Variants in TIAM1 observed in about 807,000 individuals in gnomAD.
The protein encoded by TIAM1 is rho guanine nucleotide exchange factor TIAM1.
A neutral mutation model predicts 163.5 loss-of-function variants in TIAM1; 65 were observed. The observed-to-expected ratio is 0.40, with a 90% CI of 0.33 to 0.49. The LOEUF (loss-of-function observed/expected upper bound fraction) is 0.49, where lower values mean the gene tolerates loss of function less well. TIAM1 is among the 20% of genes least tolerant of loss of function. The probability of loss-of-function intolerance (pLI) is 0.77; values close to 1 mark genes in which losing one functional copy is unlikely to be tolerated. For missense variants in TIAM1, 1,789 were observed against 2,044.7 expected (o/e 0.87, Z 2.41); for synonymous variants, 833 against 810.1 (o/e 1.03, Z -0.48).
intron 2 of TIAM1, among the ~76,000 whole-genome samples, chr21:31,278,507 C>T (rs943532086): frequency 2.0e-5 from 3 of 152,194 alleles, no homozygotes; most frequent in Non-Finnish European, 4.4e-5. Context: ...CTGGGGCTGC[C>T]CGCTGCTGGT....
At chr21:31,335,852 T>C (rs553382063) in intron 2 of TIAM1, among the ~76,000 whole-genome samples, 2 of 152,310 alleles carry the variant, frequency 1.3e-5, no homozygotes, top group South Asian at 2.1e-4. Context: ...AGAAATCAGA[T>C]AACACACAGT....
chr21:31,120,829 G>A lies in TIAM1; in HGVS notation c.4315C>T (p.Pro1439Ser), dbSNP rs2081975348. Residue 1439 changes from proline to serine, a missense_variant, in exon 28 of 28, where the codon CCA (proline) becomes TCA (serine). By Grantham distance (74) the Pro-to-Ser change is moderately conservative (BLOSUM62 -1). Transcript: ENST00000541036. The surrounding 1 kb of genome is among the most constrained non-coding windows in gnomAD (Gnocchi z 4.2). The stretch of plus-strand genomic sequence containing the variant: ...CTCCTCCTCCCAAGAGACTTGCTTG[G>A]GGCAGACACTGCACACACACACAAA... ...RPAMSRAVSA[P>S]SKSLGRRRRR... The A allele has an allele frequency of 6.2e-7, 1 of 1,609,992 alleles. No homozygotes were observed. Among genetic ancestry groups the A allele is most frequent in the Non-Finnish European group, 8.5e-7 (1 of 1,177,990 alleles).
intron 1 of TIAM1, among the ~76,000 whole-genome samples, chr21:31,522,839 C>A (rs1012564846): frequency 6.6e-6 from 1 of 152,188 alleles, no homozygotes; most frequent in Non-Finnish European, 1.5e-5. Context: ...ATTAAAACAA[C>A]ATTTTTTTCT....
intron 15 of TIAM1, among the ~76,000 whole-genome samples, chr21:31,181,807 C>T (rs112325548): frequency 3.5e-5 from 2 of 56,562 alleles, no homozygotes; most frequent in Non-Finnish European, 7.1e-5. Flanking sequence ...TTTTTTTTTA[C>T]GAGACAGGCC....
intron 2 of TIAM1, among the ~76,000 whole-genome samples, chr21:31,456,806 TTA>T (rs1201343155): frequency 6.6e-6 from 1 of 152,146 alleles, no homozygotes; most frequent in Non-Finnish European, 1.5e-5. Flanking sequence ...GACCTTTTAC[TTA>T]AACATCATCC....
At chr21:31,530,339 T>C (rs1025941777) in intron 1 of TIAM1, among the ~76,000 whole-genome samples, 1 of 152,222 alleles carries the variant, frequency 6.6e-6, no homozygotes, top group African/African-American at 2.4e-5. Context: ...GCTGAGACAT[T>C]CAGCAACTTG....
intron 2 of TIAM1, among the ~76,000 whole-genome samples, chr21:31,305,307 C>A (rs1413355499): frequency 2.6e-5 from 4 of 151,688 alleles, no homozygotes; most frequent in African/African-American, 9.7e-5. Flanking sequence ...TAGATGATAC[C>A]GAATAAGCGA....
intron 6 of TIAM1, among the ~76,000 whole-genome samples, chr21:31,229,097 T>C (rs2088238457): frequency 6.6e-6 from 1 of 152,162 alleles, no homozygotes; most frequent in Non-Finnish European, 1.5e-5. Flanking sequence ...CCAAACCATA[T>C]CAAGTATCAA....
upstream of TIAM1, among the ~76,000 whole-genome samples, chr21:31,348,439 C>T (rs576074498): frequency 1.1e-4 from 17 of 152,312 alleles, no homozygotes; most frequent in South Asian, 2.1e-4. Context: ...TTAGGTGATA[C>T]GCAACAGGGG....
At chr21:31,296,890 C>A (rs1050655259) in intron 2 of TIAM1, among the ~76,000 whole-genome samples, 3 of 152,164 alleles carry the variant, frequency 2.0e-5, no homozygotes, top group Non-Finnish European at 2.9e-5. Flanking sequence ...GTCTTGATTT[C>A]CTGACCTCAT....
intron 13 of TIAM1, among the ~76,000 whole-genome samples, chr21:31,190,954 T>A (rs2085529557): frequency 6.6e-6 from 1 of 152,190 alleles, no homozygotes; most frequent in Admixed American, 6.5e-5. Context: ...CAGAAGCCAC[T>A]TAGCTAGGTG....
chr21:31,247,407 T>C (rs984993737), intron 5 of TIAM1, among the ~76,000 whole-genome samples: 2 of 152,150 alleles, frequency 1.3e-5, no homozygotes, highest in Non-Finnish European at 2.9e-5. Context: ...ATTACTATTA[T>C]TTTTGTAGAT....
chr21:31,146,707 T>C (rs750683568), intron 20 of TIAM1, among the ~76,000 whole-genome samples, 188 bp downstream of exon 20: 2 of 79,082 alleles, frequency 2.5e-5, no homozygotes, highest in Non-Finnish European at 4.5e-5. Flanking sequence ...TGAGACTCTG[T>C]CTCAAAAAAA....
Position 31,245,680 on chromosome 21 carries a change from G to C in TIAM1, c.1412-20C>G. ...TGCATCCTGAGGAAACAGAACAGGG[G>C]TGTGCATGAGTATTCAGTGCTTGGG... On this transcript the variant is annotated intron_variant, in intron 5 of 27. Transcript: ENST00000541036. 1 of 1,496,310 alleles carries C rather than the reference G, an allele frequency of 6.7e-7. No homozygotes were observed. The highest frequency in any genetic ancestry group is 9.0e-7 in the Non-Finnish European group (1 of 1,115,880). 92.7% of individuals were successfully genotyped at this position (1,496,310 alleles called of 1,614,324 possible).
At chr21:31,498,673 C>T (rs576944788) in intron 1 of TIAM1, among the ~76,000 whole-genome samples, 16 of 152,176 alleles carry the variant, frequency 1.1e-4, no homozygotes, top group African/African-American at 1.4e-4. Context: ...TGGCCAGACA[C>T]GGTGGCTCAC....
At chr21:31,493,570 T>C (rs1034327280) in intron 1 of TIAM1, among the ~76,000 whole-genome samples, 1 of 151,962 alleles carries the variant, frequency 6.6e-6, no homozygotes, top group African/African-American at 2.4e-5. Context: ...TAAGCTGGAG[T>C]GCAGGGTATG....
In TIAM1 at chr21:31,153,152, A is replaced by T; in HGVS notation, c.3172-18T>A. 6.3e-7 allele frequency: 1 copy of T among 1,592,798 alleles called. No homozygotes were observed. On this transcript the variant is annotated intron_variant, in intron 17 of 27. Transcript: ENST00000541036. ...TTTAAATCCTAAGAATTGAAAAGAG[A>T]ACTCATTAGCTTATGTGTTTTATTT...
At chr21:31,500,911 G>A (rs2046826636) in intron 1 of TIAM1, among the ~76,000 whole-genome samples, 1 of 152,210 alleles carries the variant, frequency 6.6e-6, no homozygotes, top group Admixed American at 6.5e-5. Flanking sequence ...GCAGTCCGAG[G>A]AAACAGCTAC....
At chr21:31,295,239 G>C (rs1271024880) in intron 2 of TIAM1, among the ~76,000 whole-genome samples, 3 of 152,160 alleles carry the variant, frequency 2.0e-5, no homozygotes, top group East Asian at 3.9e-4. Context: ...GGGAGGCCAA[G>C]GCGGGCGGAT....
Sources: gnomAD v4.1 joint callset for allele counts (sites outside exome capture counted in the v4.1 genomes callset) on GRCh38, gnomAD v4.1.1 for gene constraint, Gnocchi (gnomAD v3.1) non-coding constraint, MANE v1.5 for transcripts, NCBI Gene and HGNC (gene_info 2026-07-23, HGNC 2026-07-21) for gene names.